EFR3A: variants seen among roughly 807,000 people sequenced by gnomAD.
EFR3A encodes EFR3 homolog A, also known as protein EFR3 homolog A.
EFR3A carries 76 observed loss-of-function variants against 104.4 expected under a neutral mutation model. That is an observed-to-expected ratio of 0.73 (90% CI 0.60 to 0.88). The LOEUF (loss-of-function observed/expected upper bound fraction) is 0.88, where lower values mean the gene tolerates loss of function less well. EFR3A is among the 40% of genes least tolerant of loss of function. EFR3A has a pLI of 0.00. For synonymous variants in EFR3A, 330 were observed against 330.0 expected (o/e 1.00, Z 0.00); for missense variants, 985 against 1,012.5 (o/e 0.97, Z 0.37).
intron 5 of EFR3A, among the ~76,000 whole-genome samples, chr8:131,952,287 G>A (rs1461729126): frequency 6.6e-6 from 1 of 152,118 alleles, no homozygotes; most frequent in Non-Finnish European, 1.5e-5. Flanking sequence ...ACATTTCTAT[G>A]CTGTAGATGT....
chr8:132,003,452 C>G (rs576679990), intron 22 of EFR3A, among the ~76,000 whole-genome samples, 167 bp downstream of exon 22: 69 of 152,230 alleles, frequency 4.5e-4, no homozygotes, highest in South Asian at 1.9e-3. Flanking sequence ...AATAGTGATT[C>G]TGTTTTTTAG....
intron 1 of EFR3A, among the ~76,000 whole-genome samples, chr8:131,930,944 G>T (rs1398067087): frequency 6.6e-6 from 1 of 152,128 alleles, no homozygotes; most frequent in African/African-American, 2.4e-5. Flanking sequence ...GGTAAGGACA[G>T]TTTCCCGAAT....
At chr8:132,001,877 C>T in intron 20 of EFR3A, 70 bp downstream of exon 20, 2 of 1,313,680 alleles carry the variant, frequency 1.5e-6, no homozygotes, top group South Asian at 1.2e-5. Context: ...TTTTCGATGA[C>T]AGAATACGTA....
intron 1 of EFR3A, among the ~76,000 whole-genome samples, chr8:131,932,416 G>T (rs1430619023): frequency 1.3e-5 from 2 of 152,088 alleles, no homozygotes; most frequent in African/African-American, 2.4e-5. Flanking sequence ...ATGTTCCTTG[G>T]TGTTCCATGA....
chr8:131,975,625 C>A (rs1964659), intron 10 of EFR3A, among the ~76,000 whole-genome samples: 133,992 of 151,990 alleles, frequency 0.88, 59,342 homozygotes, highest in African/African-American at 0.97. Context: ...CATGTTGGTC[C>A]GGCTGGTCTC....
In EFR3A at chr8:131,986,206, C is replaced by T. The variant is rs769019881; in HGVS notation, c.1882C>T (p.Arg628Ter). ...CQHVSKVIEI[R>*]TMEAPYFLPE... Reference sequence around the variant, plus strand: ...GAATATTTTTTAGGTTATTGAAATTCGAACTATGGAAGCCCCTTATTTTCT... The same window carrying T: ...GAATATTTTTTAGGTTATTGAAATTTGAACTATGGAAGCCCCTTATTTTCT... The change falls in exon 17 of 23, where the codon CGA (arginine) becomes TGA (stop). Residue 628 changes from arginine (R) to a stop codon, truncating the protein, a stop_gained. Transcript: ENST00000254624. LOFTEE classifies it high-confidence loss of function. The T allele has an allele frequency of 1.9e-6, 3 of 1,583,582 alleles. No individual in the cohort carries two copies. Among genetic ancestry groups the T allele is most frequent in the African/African-American group, 2.7e-5 (2 of 73,794 alleles).
intron 10 of EFR3A, among the ~76,000 whole-genome samples, 167 bp downstream of exon 10, chr8:131,970,810 A>ACTC (rs1166259213): frequency 6.6e-6 from 1 of 152,242 alleles, no homozygotes; most frequent in Non-Finnish European, 1.5e-5. Context: ...AACAAAGAAC[A>ACTC]CTATGTTGTT....
intron 5 of EFR3A, 33 bp downstream of exon 5, chr8:131,950,123 A>G: frequency 1.9e-6 from 3 of 1,541,414 alleles, no homozygotes; most frequent in Non-Finnish European, 1.8e-6. Flanking sequence ...ATCTATAGTA[A>G]GTAATTTAGA....
intron 8 of EFR3A, among the ~76,000 whole-genome samples, chr8:131,960,536 A>G (rs1819257123): frequency 6.6e-6 from 1 of 152,188 alleles, no homozygotes; most frequent in African/African-American, 2.4e-5. Flanking sequence ...GGTAGTATAT[A>G]CTAGAATAAG....
At chr8:131,963,260 C>CA (rs1443964616) in intron 8 of EFR3A, among the ~76,000 whole-genome samples, 3 of 152,166 alleles carry the variant, frequency 2.0e-5, no homozygotes, top group East Asian at 3.9e-4. Context: ...AAAAACCCTT[C>CA]AAAAAATCAG....
intron 20 of EFR3A, 22 bp from the exon 21 acceptor site, chr8:132,002,581 G>A (rs553408030): frequency 1.3e-6 from 2 of 1,576,646 alleles, no homozygotes; most frequent in East Asian, 2.2e-5. Flanking sequence ...CCTTTAATAA[G>A]TCTTTATAAA....
At chr8:131,964,049 T>C (rs1199987751) in intron 8 of EFR3A, among the ~76,000 whole-genome samples, 1 of 152,112 alleles carries the variant, frequency 6.6e-6, no homozygotes. Context: ...TCTCAATAAA[T>C]TAGGTATTGA....
chr8:131,970,544 A>G lies in EFR3A; in HGVS notation c.1060A>G (p.Asn354Asp), dbSNP rs754610866. 6.4e-5 allele frequency: 103 copies of G among 1,613,770 alleles called. No individual in the cohort carries two copies. Among genetic ancestry groups the G allele is most frequent in the Admixed American group, 5.0e-5 (3 of 59,996 alleles). The change falls in exon 10 of 23, where the codon AAT (asparagine) becomes GAT (aspartate). Residue 354 changes from asparagine to aspartate, a missense_variant. By Grantham distance (23) the Asn-to-Asp change is conservative (BLOSUM62 1). Transcript: ENST00000254624. ...HLRLSVEFEA[N>D]DLQGGSVGSV... is the part of the protein sequence containing the mutation. ...GCGTCTCAGCGTTGAATTCGAAGCA[A>G]ATGATTTACAGGGGGGATCTGTAGG...
rs1384266116 is a variant in EFR3A, at chr8:131,979,328, T to C, written c.1500-18T>C. The stretch of plus-strand genomic sequence containing the variant: ...TAAGTGTGCTATTCATTAAAAATGA[T>C]ATATTGATCGTCTCTAGAATAATAC... On this transcript the variant is annotated intron_variant, in intron 13 of 22. Transcript: ENST00000254624. The C allele has an allele frequency of 6.6e-7, 1 of 1,504,762 alleles. No homozygotes were observed. Among genetic ancestry groups the C allele is most frequent in the African/African-American group, 1.4e-5 (1 of 71,698 alleles). 93.2% of individuals were successfully genotyped at this position (1,504,762 alleles called of 1,614,324 possible). A position where few individuals can be genotyped will look rare whatever the true frequency, so the allele number is the denominator to read the frequency against.
rs776597379 is a variant in EFR3A at position 131,904,184 on chromosome 8, A to ACCCTTCG, written c.-112_-106dup. 3,581 of 1,083,882 alleles carry ACCCTTCG rather than the reference A, an allele frequency of 3.3e-3. 14 individuals are homozygous for ACCCTTCG. Among genetic ancestry groups the ACCCTTCG allele is most frequent in the Non-Finnish European group, 3.5e-3 (2,980 of 850,984 alleles). The allele number at this position is 1,083,882 out of a possible 1,614,324, so 67.1% of individuals were successfully genotyped here. On this transcript the variant is annotated 5_prime_UTR_variant, in exon 1 of 23. Coordinates refer to ENST00000254624, the MANE Select transcript of EFR3A (RefSeq NM_015137.6). Reference sequence around the variant, plus strand: ...CGCGGGGTCCGCGTCCGCTCCCTCCACCCTTCGCCCTTCGCCCTTCGCCTC... The same window carrying ACCCTTCG: ...CGCGGGGTCCGCGTCCGCTCCCTCCACCCTTCGCCCTTCGCCCTTCGCCCTTCGCCTC...
At position 131,944,980 on chromosome 8, in the gene EFR3A, A is replaced by T. The variant is rs1818362503; in HGVS notation, c.215+108A>T. The T allele has an allele frequency of 4.1e-6, 5 of 1,216,762 alleles. No individual in the cohort carries two copies. The South Asian group carries it at 7.2e-5, about 17-fold the overall frequency. 75.4% of individuals were successfully genotyped at this position (1,216,762 alleles called of 1,614,324 possible). On this transcript the variant is annotated intron_variant, in intron 3 of 22. Coordinates refer to ENST00000254624, the MANE Select transcript of EFR3A (RefSeq NM_015137.6). ...ATTTAGTGAGACAAAGATAATATATAGAGGATAAAACATTGTAATATTATA... is the reference window on the plus strand; with the variant it reads ...ATTTAGTGAGACAAAGATAATATATTGAGGATAAAACATTGTAATATTATA...
intron 22 of EFR3A, among the ~76,000 whole-genome samples, chr8:132,008,682 A>G (rs1822163375): frequency 6.6e-6 from 1 of 151,692 alleles, no homozygotes; most frequent in South Asian, 2.1e-4. Context: ...ATGTATGTGT[A>G]TGGGTATGTC....
chr8:131,976,147 T>C lies in EFR3A; in HGVS notation c.1274+6T>C, dbSNP rs1304190336. 2.0e-6 allele frequency: 3 copies of C among 1,484,210 alleles called. No homozygotes were observed. Among genetic ancestry groups the C allele is most frequent in the Non-Finnish European group, 1.9e-6 (2 of 1,077,196 alleles). The allele number at this position is 1,484,210 out of a possible 1,614,324, so 91.9% of individuals were successfully genotyped here. ...TTGGATATCAGTCAACTAGGGTATG[T>C]TCTCAGACTGTAAATTTGAACTTAA... On this transcript the variant is annotated splice_donor_region_variant and intron_variant, in intron 11 of 22. Transcript: ENST00000254624.
chr8:131,988,219 G>T (rs1385816276), intron 18 of EFR3A, among the ~76,000 whole-genome samples: 1 of 151,660 alleles, frequency 6.6e-6, no homozygotes, highest in East Asian at 1.9e-4. Context: ...AAATAATTCT[G>T]TTTGAAGGCA....
Sources: gnomAD v4.1 joint callset for allele counts (sites outside exome capture counted in the v4.1 genomes callset) on GRCh38, gnomAD v4.1.1 for gene constraint, MANE v1.5 for transcripts, NCBI Gene and HGNC (gene_info 2026-07-23, HGNC 2026-07-21) for gene names.